ZNF613: variants seen among roughly 807,000 people sequenced by gnomAD.
ZNF613 encodes zinc finger protein 613.
A neutral mutation model predicts 14.3 loss-of-function variants in ZNF613; 8 were observed. The observed-to-expected ratio is 0.56, with a 90% CI of 0.33 to 1.01. The LOEUF (loss-of-function observed/expected upper bound fraction) is 1.01. Among genes scored for constraint, ZNF613 ranks in the 50% least tolerant of loss-of-function variants. The probability of loss-of-function intolerance (pLI) is 0.03; values close to 1 mark genes in which losing one functional copy is unlikely to be tolerated. For missense variants in ZNF613, 656 were observed against 741.9 expected, an observed-to-expected ratio of 0.88 and a Z score of 1.35; for synonymous variants, 228 against 254.5, an observed-to-expected ratio of 0.90 and a Z score of 0.99.
chr19:51,945,238 G>GA lies in ZNF613; in HGVS notation c.1358dup (p.Thr454AspfsTer7). On this transcript the variant is annotated frameshift_variant, in exon 6 of 6. Coordinates refer to ENST00000293471, the MANE Select transcript of ZNF613 (RefSeq NM_001031721.4). LOFTEE classifies it low-confidence loss of function (END_TRUNC). ...ATATCCCATCAGAGATTTCACACAG[G>GA]AAAGACACCCTTTGTATGTACTGAG... The GA allele has an allele frequency of 6.2e-7, 1 of 1,614,094 alleles. No individual in the cohort carries two copies.
At chr19:51,928,853 CA>C (rs58085445) in intron 1 of ZNF613, among the ~76,000 whole-genome samples, 37,596 of 96,690 alleles carry the variant, frequency 0.39, 5,007 homozygotes, top group South Asian at 0.53. Flanking sequence ...GACCCTGCCT[CA>C]AAAAAAAAAA....
Position 51,936,061 on chromosome 19 carries a change from C to A in ZNF613, c.-160C>A. ...TCCTGACTTCAGGAGCAAGACACTTCAAGTGAGGTGAGGAGGAGGTTCCAG... is the reference window on the plus strand; with the variant it reads ...TCCTGACTTCAGGAGCAAGACACTTAAAGTGAGGTGAGGAGGAGGTTCCAG... On this transcript the variant is annotated 5_prime_UTR_variant, in exon 3 of 6. Coordinates refer to ENST00000293471, the MANE Select transcript of ZNF613 (RefSeq NM_001031721.4). 2 of 627,132 alleles carry A rather than the reference C, an allele frequency of 3.2e-6. No individual in the cohort carries two copies. Among genetic ancestry groups the A allele is most frequent in the South Asian group, 2.6e-5 (1 of 38,658 alleles). 38.8% of individuals were successfully genotyped at this position (627,132 alleles called of 1,614,324 possible).
intron 5 of ZNF613, among the ~76,000 whole-genome samples, chr19:51,943,712 C>T (rs1376997516): frequency 6.6e-6 from 1 of 152,154 alleles, no homozygotes; most frequent in Non-Finnish European, 1.5e-5. Flanking sequence ...TTCAGAGTTT[C>T]AGGCATCCAT....
intron 2 of ZNF613, among the ~76,000 whole-genome samples, chr19:51,930,504 C>A (rs991858457): frequency 2.6e-5 from 4 of 152,096 alleles, no homozygotes; most frequent in Admixed American, 2.0e-4. Context: ...TCAGCTGATC[C>A]GCCCACCTCA....
chr19:51,945,966 T>A lies in ZNF613; in HGVS notation c.*229T>A. 1.8e-6 allele frequency: 1 copy of A among 543,894 alleles called. No individual in the cohort carries two copies. Among genetic ancestry groups the A allele is most frequent in the Non-Finnish European group, 3.3e-6 (1 of 304,382 alleles). 33.7% of individuals were successfully genotyped at this position (543,894 alleles called of 1,614,324 possible). A position where few individuals can be genotyped will look rare whatever the true frequency, so the allele number is the denominator to read the frequency against. On this transcript the variant is annotated 3_prime_UTR_variant, in exon 6 of 6. Transcript: ENST00000293471. ...CAGTGACCATAGATCACATCTTCAGTGAGCTTATAGTTGGTAGAAATATAA... is the reference window on the plus strand; with the variant it reads ...CAGTGACCATAGATCACATCTTCAGAGAGCTTATAGTTGGTAGAAATATAA...
chr19:51,938,015 G>A (rs111261287), intron 3 of ZNF613, among the ~76,000 whole-genome samples: 4,177 of 152,144 alleles, frequency 0.027, 183 homozygotes, highest in African/African-American at 0.095. Flanking sequence ...ACAGGCATGA[G>A]CCACCACGCC....
At chr19:51,942,439 G>A (rs2085356720) in intron 5 of ZNF613, among the ~76,000 whole-genome samples, 1 of 152,178 alleles carries the variant, frequency 6.6e-6, no homozygotes, top group Admixed American at 6.5e-5. Context: ...TGGCTGTTTG[G>A]TCAGATGCCT....
In ZNF613 at chr19:51,944,579, T is replaced by TG; in HGVS notation, c.698dup (p.Cys234MetfsTer16). 1.2e-6 allele frequency: 2 copies of TG among 1,614,190 alleles called. No homozygotes were observed. The highest frequency in any genetic ancestry group is 1.7e-6 in the Non-Finnish European group (2 of 1,180,040). ...GAGTTCACACTGGGGAGAAACCTCA[T>TG]GGATGCAGTATATGTGGGAAAGCCT... On this transcript the variant is annotated frameshift_variant, in exon 6 of 6. Coordinates refer to ENST00000293471, the MANE Select transcript of ZNF613 (RefSeq NM_001031721.4). LOFTEE classifies it low-confidence loss of function (END_TRUNC).
chr19:51,945,110 C>T lies in ZNF613; in HGVS notation c.1227C>T (p.Phe409=). ...PYICNECGKG[F]IQKGNLLIHR... ...TATGCAATGAATGTGGAAAAGGCTT[C>T]ATCCAAAAGGGCAACCTCCTTATTC... The change falls in exon 6 of 6, where the codon TTC becomes TTT. Residue 409 remains phenylalanine, a synonymous_variant. Transcript: ENST00000293471. The T allele has an allele frequency of 6.2e-7, 1 of 1,614,218 alleles. No homozygotes were observed. Among genetic ancestry groups the T allele is most frequent in the Non-Finnish European group, 8.5e-7 (1 of 1,180,036 alleles).
chr19:51,933,016 T>G (rs1307544521), intron 2 of ZNF613, among the ~76,000 whole-genome samples: 20 of 152,146 alleles, frequency 1.3e-4, no homozygotes, highest in Admixed American at 1.3e-3. Flanking sequence ...TTTTTGTGGT[T>G]GTGGATTGTG....
intron 3 of ZNF613, 84 bp from the exon 4 acceptor site, chr19:51,940,125 A>G: frequency 6.4e-7 from 1 of 1,552,308 alleles, no homozygotes; most frequent in South Asian, 1.1e-5. Context: ...CTATTTGGTA[A>G]AAATGAGCAG....
chr19:51,937,852 C>T (rs897293244), intron 3 of ZNF613, among the ~76,000 whole-genome samples: 1 of 151,550 alleles, frequency 6.6e-6, no homozygotes, highest in Admixed American at 6.6e-5. Context: ...GCCTCAGCCT[C>T]CCGAGTAGCT....
chr19:51,939,930 G>A (rs1212715590), intron 3 of ZNF613, among the ~76,000 whole-genome samples: 1 of 151,566 alleles, frequency 6.6e-6, no homozygotes, highest in African/African-American at 2.4e-5. Context: ...AAGAGGATTA[G>A]CAAGAGGATT....
At chr19:51,941,601 C>A (rs1440111936) in intron 5 of ZNF613, among the ~76,000 whole-genome samples, 1 of 152,074 alleles carries the variant, frequency 6.6e-6, no homozygotes. Context: ...TTCTGTTTCC[C>A]ATTTATTTTG....
Position 51,944,533 on chromosome 19 carries a change from C to T in ZNF613, c.650C>T (p.Ser217Phe), listed in dbSNP as rs1207734139. The change falls in exon 6 of 6, where the codon TCT (serine) becomes TTT (phenylalanine). Residue 217 changes from serine to phenylalanine, a missense_variant. Ser to Phe is a radical substitution (Grantham distance 155, BLOSUM62 -2). Transcript: ENST00000293471. The stretch of plus-strand genomic sequence containing the variant: ...TGTGGGAAGGCTTTCCTCAAGAAGT[C>T]TCGCCTCATCTATCATCAGAGAGTT... ...TECGKAFLKKSRLIYHQRVHT... is the reference protein window; with the variant it reads ...TECGKAFLKKFRLIYHQRVHT... 4 of 1,613,582 alleles carry T rather than the reference C, an allele frequency of 2.5e-6. No homozygotes were observed. Among genetic ancestry groups the T allele is most frequent in the African/African-American group, 2.7e-5 (2 of 74,930 alleles).
At chr19:51,938,207 G>A (rs1479506338) in intron 3 of ZNF613, among the ~76,000 whole-genome samples, 3 of 152,052 alleles carry the variant, frequency 2.0e-5, no homozygotes, top group African/African-American at 7.2e-5. Flanking sequence ...AAACCTGAAA[G>A]GCTGAGGAAA....
At chr19:51,937,725 C>CTTTTTTTT (rs557250619) in intron 3 of ZNF613, among the ~76,000 whole-genome samples, 51 of 105,178 alleles carry the variant, frequency 4.8e-4, no homozygotes, top group African/African-American at 5.8e-4. Context: ...TGTCTTTTTT[C>CTTTTTTTT]TTTTTTTTTT....
chr19:51,945,997 A>G lies in ZNF613; in HGVS notation c.*260A>G, dbSNP rs958749103. ...TATAGTTGGTAGAAATATAATGATC[A>G]TGGAAAAGTCCTTGTTCAGAAACAG... On this transcript the variant is annotated 3_prime_UTR_variant, in exon 6 of 6. Transcript: ENST00000293471. 2.2e-6 allele frequency: 1 copy of G among 464,912 alleles called. No individual in the cohort carries two copies. Among genetic ancestry groups the G allele is most frequent in the Non-Finnish European group, 3.9e-6 (1 of 255,508 alleles). 28.8% of individuals were successfully genotyped at this position (464,912 alleles called of 1,614,324 possible).
At chr19:51,933,181 G>A (rs1032793123) in intron 2 of ZNF613, among the ~76,000 whole-genome samples, 2 of 152,110 alleles carry the variant, frequency 1.3e-5, no homozygotes, top group African/African-American at 2.4e-5. Flanking sequence ...CTGTGCATGC[G>A]TGTGGCTTTT....
Sources: allele counts gnomAD v4.1 joint callset (sites outside exome capture counted in the v4.1 genomes callset), GRCh38; gene constraint gnomAD v4.1.1; transcripts MANE v1.5; gene names NCBI Gene and HGNC (gene_info 2026-07-23, HGNC 2026-07-21).